The following CREB5 variants were observed in gnomAD, a reference collection of about 807,000 sequenced individuals.
CREB5 encodes the protein cAMP responsive element binding protein 5.
CREB5 carries 19 observed loss-of-function variants against 57.1 expected under a neutral mutation model. The ratio of observed to expected loss-of-function variants is 0.33; its 90% confidence interval spans 0.23 to 0.49. The LOEUF (loss-of-function observed/expected upper bound fraction) is 0.49, where lower values mean the gene tolerates loss of function less well. CREB5 is among the 20% of genes least tolerant of loss of function. CREB5 has a pLI of 0.99. For missense variants in CREB5, 579 were observed against 671.6 expected (o/e 0.86, Z 1.52); for synonymous variants, 238 against 238.3 (o/e 1.00, Z 0.01).
chr7:28,426,352 G>C (rs1788510623), intron 1 of CREB5, among the ~76,000 whole-genome samples: 1 of 152,172 alleles, frequency 6.6e-6, no homozygotes. Context: ...GTCCATTCTA[G>C]CTACCAAGAA....
intron 5 of CREB5, among the ~76,000 whole-genome samples, chr7:28,572,399 C>G (rs185499632): frequency 7.9e-5 from 12 of 152,312 alleles, no homozygotes; most frequent in African/African-American, 2.2e-4. Flanking sequence ...CCATAGAGTG[C>G]TAAGAGGGTG....
chr7:28,312,071 T>A (rs1720692150), intron 1 of CREB5, among the ~76,000 whole-genome samples: 2 of 152,120 alleles, frequency 1.3e-5, no homozygotes, highest in African/African-American at 4.8e-5. Context: ...TTGGAAATGA[T>A]CTAATTAAGT....
intron 7 of CREB5, among the ~76,000 whole-genome samples, chr7:28,744,098 G>GTGTT: frequency 7.7e-6 from 1 of 129,418 alleles, no homozygotes; most frequent in South Asian, 2.7e-4. Context: ...AGAATATGCG[G>GTGTT]TGTTTGGTTT....
chr7:28,322,845 G>A (rs1345629453), intron 1 of CREB5, among the ~76,000 whole-genome samples: 1 of 152,090 alleles, frequency 6.6e-6, no homozygotes, highest in Non-Finnish European at 1.5e-5. Context: ...TTTATCCAGT[G>A]TATCCAAAAT....
chr7:28,644,383 T>C (rs1342797562), intron 5 of CREB5, among the ~76,000 whole-genome samples: 1 of 152,112 alleles, frequency 6.6e-6, no homozygotes, highest in Non-Finnish European at 1.5e-5. Flanking sequence ...GTTTTCAGAC[T>C]ACCAGTGGGA....
chr7:28,800,368 G>A (rs773479133), intron 7 of CREB5, among the ~76,000 whole-genome samples: 1 of 152,190 alleles, frequency 6.6e-6, no homozygotes, highest in Non-Finnish European at 1.5e-5. Flanking sequence ...GAAACTGAAA[G>A]TTGGCCAGTG....
At chr7:28,358,802 A>G (rs144236047) in intron 1 of CREB5, among the ~76,000 whole-genome samples, 1 of 152,314 alleles carries the variant, frequency 6.6e-6, no homozygotes, top group African/African-American at 2.4e-5. Context: ...ATGCCTCAGC[A>G]TGTTAGAGGG....
At chr7:28,378,759 A>G (rs1268859140) in intron 1 of CREB5, among the ~76,000 whole-genome samples, 1 of 152,246 alleles carries the variant, frequency 6.6e-6, no homozygotes, top group African/African-American at 2.4e-5. Flanking sequence ...GCAATGATTC[A>G]TCAAGTAGTC....
chr7:28,736,003 G>A (rs575917443), intron 7 of CREB5, among the ~76,000 whole-genome samples: 3 of 151,730 alleles, frequency 2.0e-5, no homozygotes, highest in East Asian at 2.0e-4. Context: ...AGGGTCTCGC[G>A]ATGTTGACCA....
At chr7:28,500,061 A>G (rs772574835) in intron 3 of CREB5, among the ~76,000 whole-genome samples, 3 of 152,224 alleles carry the variant, frequency 2.0e-5, no homozygotes, top group Non-Finnish European at 2.9e-5. Flanking sequence ...GCAAACACTC[A>G]CTGAGTGCCT....
intron 4 of CREB5, among the ~76,000 whole-genome samples, chr7:28,561,035 T>TGCGTGCGTGTGCGTGTGTGTGC (rs1562798715): frequency 1.1e-5 from 1 of 87,768 alleles, no homozygotes; most frequent in Non-Finnish European, 2.7e-5. Flanking sequence ...CGTGTGTGTG[T>TGCGTGCGTGTGCGTGTGTGTGC]GTGTGTGTGA....
intron 4 of CREB5, among the ~76,000 whole-genome samples, chr7:28,560,969 T>TGTGTGCGCGCGTGCGTGCGC (rs1795220197): frequency 8.0e-5 from 2 of 24,976 alleles, no homozygotes; most frequent in African/African-American, 1.1e-4. Flanking sequence ...TGCGTGTGTG[T>TGTGTGCGCGCGTGCGTGCGC]GTGCGTGTGT....
chr7:28,717,430 A>G (rs9648352), intron 5 of CREB5, among the ~76,000 whole-genome samples: 18,220 of 152,148 alleles, frequency 0.12, 1,310 homozygotes, highest in Non-Finnish European at 0.15. Flanking sequence ...AGAGTGGAAA[A>G]CTTTATCTTC....
At chr7:28,582,899 GT>G (rs1306295071) in intron 5 of CREB5, among the ~76,000 whole-genome samples, 1 of 152,126 alleles carries the variant, frequency 6.6e-6, no homozygotes, top group Admixed American at 6.5e-5. Flanking sequence ...ATAACTGATG[GT>G]TTTTTTAAAA....
chr7:28,330,989 TG>T, intron 1 of CREB5, among the ~76,000 whole-genome samples: 1 of 152,152 alleles, frequency 6.6e-6, no homozygotes. Context: ...TACTACCTTG[TG>T]GGGACAGACC....
intron 7 of CREB5, among the ~76,000 whole-genome samples, chr7:28,800,555 A>T (rs891617230): frequency 6.6e-6 from 1 of 152,190 alleles, no homozygotes; most frequent in Non-Finnish European, 1.5e-5. Flanking sequence ...GGCCCTTATC[A>T]TGTCTGTGTT....
intron 7 of CREB5, among the ~76,000 whole-genome samples, chr7:28,770,556 T>C (rs4140851): frequency 6.6e-6 from 1 of 152,008 alleles, no homozygotes; most frequent in Non-Finnish European, 1.5e-5. Flanking sequence ...CTTAATGTTT[T>C]GGTTTTCATG....
intron 1 of CREB5, among the ~76,000 whole-genome samples, chr7:28,435,867 A>G (rs1320738710): frequency 6.6e-6 from 1 of 152,170 alleles, no homozygotes; most frequent in Admixed American, 6.5e-5. Flanking sequence ...GAAAATGAAA[A>G]AATATTCTTT....
chr7:28,593,889 A>G (rs958630741), intron 5 of CREB5, among the ~76,000 whole-genome samples: 1 of 152,178 alleles, frequency 6.6e-6, no homozygotes, highest in Non-Finnish European at 1.5e-5. Flanking sequence ...AAAGAGTAAA[A>G]CTATAGGAAG....
Sources: gnomAD v4.1 joint callset for allele counts (sites outside exome capture counted in the v4.1 genomes callset) on GRCh38, gnomAD v4.1.1 for gene constraint, MANE v1.5 for transcripts, NCBI Gene and HGNC (gene_info 2026-07-23, HGNC 2026-07-21) for gene names.